Variants in HEATR1 observed in about 807,000 individuals in gnomAD.
The protein encoded by HEATR1 is HEAT repeat-containing protein 1.
In HEATR1, 77 loss-of-function variants were observed where a neutral mutation model predicts 248.2. That is an observed-to-expected ratio of 0.31 (90% CI 0.26 to 0.37). The LOEUF (loss-of-function observed/expected upper bound fraction) is 0.37, where lower values mean the gene tolerates loss of function less well. Among genes scored for constraint, HEATR1 ranks in the 10% least tolerant of loss-of-function variants. The pLI is 1.00. For missense variants in HEATR1, 2,420 were observed against 2,504.9 expected, an observed-to-expected ratio of 0.97 and a Z score of 0.72; for synonymous variants, 897 against 923.1, an observed-to-expected ratio of 0.97 and a Z score of 0.51.
At chr1:236,602,939 G>C (rs1186823622) in intron 3 of HEATR1, 1 of 539,156 alleles carries the variant, frequency 1.9e-6, no homozygotes, top group Non-Finnish European at 3.3e-6. Context: ...AAACTAATGA[G>C]GTTAGACCAT....
chr1:236,580,252 T>C (rs1294128202), intron 20 of HEATR1, among the ~76,000 whole-genome samples: 6 of 152,222 alleles, frequency 3.9e-5, no homozygotes, highest in Non-Finnish European at 8.8e-5. Context: ...ATGCCGAACC[T>C]GAATATGATT....
chr1:236,585,918 T>G lies in HEATR1; in HGVS notation c.1951A>C (p.Thr651Pro), dbSNP rs755711214. 6.2e-7 allele frequency: 1 copy of G among 1,613,492 alleles called. No homozygotes were observed. Among genetic ancestry groups the G allele is most frequent in the East Asian group, 2.2e-5 (1 of 44,790 alleles). ...ACACCGATTAGTTTTCCTGGCTTTG[T>G]GCTTTTAATTACATTTTCAAGAGCT... is the stretch of plus-strand genomic sequence containing the variant. ...EEALENVIKS[T>P]KPGKLIGVAN... Residue 651 changes from threonine to proline, a missense_variant, in exon 16 of 45, where the codon ACA becomes CCA. Transcript: ENST00000366582.
rs1337353679 is a variant in HEATR1, at chr1:236,587,445, G to T, written c.1672C>A (p.Leu558Met). 6.5e-7 allele frequency: 1 copy of T among 1,540,260 alleles called. No homozygotes were observed. Among genetic ancestry groups the T allele is most frequent in the Non-Finnish European group, 8.8e-7 (1 of 1,137,580 alleles). ...FSSEVTISNLLNLFQRAELSK... is the reference protein window; with the variant it reads ...FSSEVTISNLMNLFQRAELSK... ...AGTTCTGCTCTTTGAAAGAGATTCA[G>T]AAGATTTGAAATCGTCACTTCTGAA... Residue 558 changes from leucine (L) to methionine (M), a missense_variant, in exon 14 of 45, where the codon CTG (leucine) becomes ATG (methionine). By Grantham distance (15) the Leu-to-Met change is conservative. Coordinates refer to ENST00000366582, the MANE Select transcript of HEATR1 (RefSeq NM_018072.6).
chr1:236,555,462 C>G lies in HEATR1; in HGVS notation c.5757G>C (p.Leu1919=), dbSNP rs541666909. Residue 1919 remains leucine, a splice_region_variant and synonymous_variant, in exon 41 of 45, where the codon CTG becomes CTC. Coordinates refer to ENST00000366582, the MANE Select transcript of HEATR1 (RefSeq NM_018072.6). ...CATCTTCTGTTTTAGCCCAATCAAA[C>G]AGCTGAAAGGATAAGACAGTATTAG... The part of the protein sequence containing the change: ...EVTFRPLFFK[L]FDWAKTEDAP... The G allele has an allele frequency of 6.2e-7, 1 of 1,614,204 alleles. No individual in the cohort carries two copies. Among genetic ancestry groups the G allele is most frequent in the South Asian group, 1.1e-5 (1 of 91,082 alleles).
intron 32 of HEATR1, among the ~76,000 whole-genome samples, chr1:236,561,522 A>AT (rs1488672899): frequency 6.6e-6 from 1 of 152,220 alleles, no homozygotes; most frequent in Non-Finnish European, 1.5e-5. Flanking sequence ...TACAGCAATC[A>AT]ACACTCAATT....
intron 4 of HEATR1, 125 bp downstream of exon 4, chr1:236,599,358 G>A (rs2102799375): frequency 7.6e-6 from 5 of 656,590 alleles, no homozygotes. Context: ...TTGGAAGTCA[G>A]GAAATAAAAA....
intron 37 of HEATR1, 40 bp from the exon 38 acceptor site, chr1:236,556,298 T>C (rs755970816): frequency 1.2e-6 from 2 of 1,603,580 alleles, no homozygotes; most frequent in East Asian, 2.2e-5. Context: ...CCACTGCAGA[T>C]CTTCGCTGAC....
chr1:236,594,378 A>T (rs903353871), intron 8 of HEATR1, among the ~76,000 whole-genome samples: 1 of 152,226 alleles, frequency 6.6e-6, no homozygotes, highest in Non-Finnish European at 1.5e-5. Flanking sequence ...ATAACAAAAC[A>T]AAAGTCCAAA....
rs758428014 is a variant in HEATR1, at chr1:236,576,293, G to C, written c.3010C>G (p.Leu1004Val). The change falls in exon 22 of 45, where the codon CTT (leucine) becomes GTT (valine). Residue 1004 changes from leucine to valine, a missense_variant. Transcript: ENST00000366582. ...QKLSETLKNL[L>V]SCVYSCPSYI... The stretch of plus-strand genomic sequence containing the variant: ...GATGGGCAACTATACACACAACTAA[G>C]TAAGTTTTTCAAAGTTTCAGACAAC... 1 of 1,612,006 alleles carries C rather than the reference G, an allele frequency of 6.2e-7. No individual in the cohort carries two copies. Among genetic ancestry groups the C allele is most frequent in the East Asian group, 2.2e-5 (1 of 44,768 alleles).
intron 19 of HEATR1, among the ~76,000 whole-genome samples, chr1:236,582,296 C>T (rs1027445667): frequency 6.6e-6 from 1 of 151,936 alleles, no homozygotes; most frequent in Non-Finnish European, 1.5e-5. Flanking sequence ...TTCGTAGAGA[C>T]GGCGTTTCAC....
At chr1:236,567,737 T>C (rs899546367) in intron 29 of HEATR1, among the ~76,000 whole-genome samples, 10 of 152,060 alleles carry the variant, frequency 6.6e-5, no homozygotes, top group African/African-American at 2.4e-4. Flanking sequence ...AATACATGTG[T>C]GAAAAGATAA....
intron 3 of HEATR1, among the ~76,000 whole-genome samples, chr1:236,601,574 G>C (rs555253065): frequency 1.3e-5 from 2 of 152,066 alleles, no homozygotes; most frequent in Non-Finnish European, 2.9e-5. Flanking sequence ...AGGCCGACTC[G>C]GCAGGAGGAT....
intron 4 of HEATR1, among the ~76,000 whole-genome samples, chr1:236,598,757 G>C (rs16834044): frequency 6.6e-6 from 1 of 152,024 alleles, no homozygotes; most frequent in African/African-American, 2.4e-5. Flanking sequence ...GCACAGCCTC[G>C]TGATCTGTTA....
intron 39 of HEATR1, 53 bp downstream of exon 39, chr1:236,555,752 C>G: frequency 6.2e-7 from 1 of 1,611,988 alleles, no homozygotes; most frequent in East Asian, 2.2e-5. Context: ...TTCTCGGACT[C>G]TTCAATAGGT....
intron 33 of HEATR1, among the ~76,000 whole-genome samples, chr1:236,560,614 C>T (rs1663107234): frequency 6.6e-6 from 1 of 152,208 alleles, no homozygotes; most frequent in African/African-American, 2.4e-5. Flanking sequence ...CAGGCACTTT[C>T]CAGTGGAAGG....
Position 236,574,385 on chromosome 1 carries a change from C to T in HEATR1, c.3328-52G>A, listed in dbSNP as rs888003735. 9 of 1,548,348 alleles carry T rather than the reference C, an allele frequency of 5.8e-6. No homozygotes were observed. The African/African-American group carries it at 1.3e-4, about 22-fold the overall frequency. ...GAGTTCAGTGAACAAGTTTAAATTC[C>T]AGAAATAATTTTTATATCAACCTCT... is the stretch of plus-strand genomic sequence containing the variant. On this transcript the variant is annotated intron_variant, in intron 23 of 44. Transcript: ENST00000366582.
intron 2 of HEATR1, among the ~76,000 whole-genome samples, 181 bp from the exon 3 acceptor site, chr1:236,603,557 C>T (rs911764535): frequency 6.7e-6 from 1 of 150,280 alleles, no homozygotes; most frequent in Non-Finnish European, 1.5e-5. Flanking sequence ...CCTATCTCAT[C>T]TACTAGAACA....
At chr1:236,565,125 T>C (rs144315341) in intron 31 of HEATR1, among the ~76,000 whole-genome samples, 5 of 152,314 alleles carry the variant, frequency 3.3e-5, no homozygotes, top group Non-Finnish European at 5.9e-5. Context: ...CTCCCTCGTC[T>C]GTCCCTGCCA....
In HEATR1 at chr1:236,595,551, T is replaced by C. The variant is rs149968331; in HGVS notation, c.1079A>G (p.His360Arg). 3.8e-3 allele frequency: 6,081 copies of C among 1,611,336 alleles called. 29 individuals are homozygous for C. The highest frequency in any genetic ancestry group is 0.01 in the South Asian group (941 of 90,448). Residue 360 changes from histidine to arginine, a missense_variant, in exon 8 of 45, where the codon CAT (histidine) becomes CGT (arginine). Physicochemically the swap from His to Arg is conservative, Grantham distance 29. Coordinates refer to ENST00000366582, the MANE Select transcript of HEATR1 (RefSeq NM_018072.6). ...ATAAAACCACACACCTGTAACATGA[T>C]GAATGATGGAGACGACCAGATGGGG... ...MLPHLVVSIIHHVTGEETEGM... is the reference protein window; with the variant it reads ...MLPHLVVSIIRHVTGEETEGM...
Sources: allele counts gnomAD v4.1 joint callset (sites outside exome capture counted in the v4.1 genomes callset), GRCh38; gene constraint gnomAD v4.1.1; transcripts MANE v1.5; gene names NCBI Gene and HGNC (gene_info 2026-07-23, HGNC 2026-07-21).